The following CDYL2 variants were observed in gnomAD, a reference collection of about 807,000 sequenced individuals.
CDYL2 encodes chromodomain Y like 2.
In CDYL2, 23 loss-of-function variants were observed where a neutral mutation model predicts 49.4. That is an observed-to-expected ratio of 0.47 (90% CI 0.34 to 0.66). The LOEUF (loss-of-function observed/expected upper bound fraction) is 0.66. CDYL2 is among the 30% of genes least tolerant of loss of function. CDYL2 has a pLI of 0.01. For synonymous variants in CDYL2, 360 were observed against 268.8 expected (o/e 1.34, Z -3.32); for missense variants, 678 against 656.4 (o/e 1.03, Z -0.36).
Position 80,629,876 on chromosome 16 carries a change from G to C in CDYL2, c.834+3143C>G, listed in dbSNP as rs147126495. Among the ~76,000 whole-genome samples, 781 of 152,304 alleles carry C rather than the reference G, an allele frequency of 5.1e-3. 3 individuals are homozygous for C. Among genetic ancestry groups the C allele is most frequent in the African/African-American group, 0.018 (734 of 41,562 alleles). On this transcript the variant is annotated intron_variant, in intron 3 of 6. Coordinates refer to ENST00000570137, the MANE Select transcript of CDYL2 (RefSeq NM_152342.4). ...CTCTGCTTCCCATTAACAATGATGGGAACATTTATTACATACCTCCTATAT... is the reference window on the plus strand; with the variant it reads ...CTCTGCTTCCCATTAACAATGATGGCAACATTTATTACATACCTCCTATAT...
At chr16:80,730,173 T>C (rs554827890) in intron 1 of CDYL2, among the ~76,000 whole-genome samples, 84 of 152,166 alleles carry the variant, frequency 5.5e-4, no homozygotes, top group African/African-American at 2.0e-3. Flanking sequence ...TCTAGTTTTT[T>C]GAAAGGATCA....
intron 2 of CDYL2, among the ~76,000 whole-genome samples, chr16:80,646,742 T>A (rs1284065622): frequency 6.6e-6 from 1 of 152,102 alleles, no homozygotes; most frequent in East Asian, 1.9e-4. Context: ...TGAGCCAAGA[T>A]TGCGCCACTG....
chr16:80,730,165 T>C (rs1485519223), intron 1 of CDYL2, among the ~76,000 whole-genome samples: 1 of 152,154 alleles, frequency 6.6e-6, no homozygotes, highest in Non-Finnish European at 1.5e-5. Flanking sequence ...ATCCAGGATC[T>C]AGTTTTTTGA....
chr16:80,798,249 C>T (rs1174929684), intron 1 of CDYL2, among the ~76,000 whole-genome samples: 4 of 152,182 alleles, frequency 2.6e-5, no homozygotes, highest in Non-Finnish European at 5.9e-5. Flanking sequence ...CTCCATGTCA[C>T]CCAGGCTGGT....
At chr16:80,726,479 T>C (rs1267448165) in intron 1 of CDYL2, among the ~76,000 whole-genome samples, 1 of 152,236 alleles carries the variant, frequency 6.6e-6, no homozygotes, top group Non-Finnish European at 1.5e-5. Context: ...GAGCAAGTTT[T>C]AAACAATTAA....
chr16:80,722,197 A>T (rs1163793255), intron 1 of CDYL2, among the ~76,000 whole-genome samples: 1 of 152,192 alleles, frequency 6.6e-6, no homozygotes, highest in African/African-American at 2.4e-5. Flanking sequence ...TACTGATTTA[A>T]AAAAAAGAAG....
At position 80,633,221 on chromosome 16, in the gene CDYL2, T is replaced by G; in HGVS notation, c.632A>C (p.Asn211Thr). 6.2e-7 allele frequency: 1 copy of G among 1,614,122 alleles called. No individual in the cohort carries two copies. The highest frequency in any genetic ancestry group is 8.5e-7 in the Non-Finnish European group (1 of 1,179,978). The change falls in exon 3 of 7, where the codon AAC becomes ACC. Residue 211 changes from asparagine (N) to threonine (T), a missense_variant. Coordinates refer to ENST00000570137, the MANE Select transcript of CDYL2 (RefSeq NM_152342.4). ...AENGLGSALT[N>T]GGLNLHSPVK... is the part of the protein sequence containing the mutation. ...TGGACTGTGCAGGTTCAATCCCCCG[T>G]TGGTCAGAGCAGAGCCTTCCAAAAC... is the stretch of plus-strand genomic sequence containing the variant.
chr16:80,720,705 G>T (rs374490042), intron 1 of CDYL2, among the ~76,000 whole-genome samples: 2 of 152,176 alleles, frequency 1.3e-5, no homozygotes. Flanking sequence ...ATGTATAAAT[G>T]AGTGTAGGCA....
chr16:80,791,453 G>A (rs1198496347), intron 1 of CDYL2, among the ~76,000 whole-genome samples: 1 of 152,160 alleles, frequency 6.6e-6, no homozygotes, highest in Non-Finnish European at 1.5e-5. Context: ...CAATGTAAGT[G>A]GGAGATTTAG....
chr16:80,660,802 T>A (rs1909009804), intron 2 of CDYL2, among the ~76,000 whole-genome samples: 1 of 152,056 alleles, frequency 6.6e-6, no homozygotes, highest in Non-Finnish European at 1.5e-5. Flanking sequence ...AATAGAGAAA[T>A]GCCAGAAGGA....
intron 1 of CDYL2, among the ~76,000 whole-genome samples, chr16:80,712,080 G>T (rs1214439949): frequency 1.4e-5 from 2 of 145,814 alleles, no homozygotes; most frequent in African/African-American, 5.2e-5. Flanking sequence ...TGTGTATATA[G>T]ATGTGTGTGT....
At chr16:80,745,682 T>G (rs1905903985) in intron 1 of CDYL2, among the ~76,000 whole-genome samples, 1 of 152,228 alleles carries the variant, frequency 6.6e-6, no homozygotes. Context: ...GTTATCAACC[T>G]GGAGCAAGAG....
At chr16:80,648,534 G>T (rs1049504191) in intron 2 of CDYL2, among the ~76,000 whole-genome samples, 2 of 151,870 alleles carry the variant, frequency 1.3e-5, no homozygotes, top group African/African-American at 4.8e-5. Flanking sequence ...GAAAAGTCTG[G>T]GACCCAATGT....
chr16:80,756,623 TA>T (rs961600000), intron 1 of CDYL2, among the ~76,000 whole-genome samples: 2 of 151,992 alleles, frequency 1.3e-5, no homozygotes, highest in African/African-American at 4.8e-5. Context: ...CAGACGACAG[TA>T]AAAAAAGGAA....
intron 3 of CDYL2, among the ~76,000 whole-genome samples, chr16:80,622,922 C>T (rs1170839640): frequency 1.3e-5 from 2 of 152,174 alleles, no homozygotes; most frequent in Non-Finnish European, 2.9e-5. Flanking sequence ...CTTGCACCCC[C>T]AACCCCTTGT....
intron 2 of CDYL2, among the ~76,000 whole-genome samples, chr16:80,638,218 G>C (rs1178314475): frequency 6.6e-6 from 1 of 152,046 alleles, no homozygotes; most frequent in African/African-American, 2.4e-5. Flanking sequence ...GGGACTACAG[G>C]CATGTGGTAA....
intron 2 of CDYL2, chr16:80,679,789 T>G (rs1432558434): frequency 2.2e-6 from 1 of 456,116 alleles, no homozygotes; most frequent in East Asian, 6.9e-5. Flanking sequence ...TGGAGCTCAT[T>G]AGTCTAGAGC....
chr16:80,802,843 A>T lies in CDYL2; in HGVS notation c.24+1307T>A, dbSNP rs183205777. On this transcript the variant is annotated intron_variant, in intron 1 of 6. Transcript: ENST00000570137. ...TAGAGGAAAGAGCTTCTTAGGAATC[A>T]CCCCCTGCAGTCTGTCGTGGGTGGA... Among the ~76,000 whole-genome samples, 3 of 152,144 alleles carry T rather than the reference A, an allele frequency of 2.0e-5. No homozygotes were observed. The East Asian group carries it at 5.8e-4, about 29-fold the overall frequency.
chr16:80,705,241 C>G (rs570348512), intron 1 of CDYL2, among the ~76,000 whole-genome samples: 1 of 152,356 alleles, frequency 6.6e-6, no homozygotes, highest in East Asian at 1.9e-4. Flanking sequence ...GCCTGGTTCT[C>G]CCTTTGCAGT....
Sources: allele counts gnomAD v4.1 joint callset (sites outside exome capture counted in the v4.1 genomes callset), GRCh38; gene constraint gnomAD v4.1.1; transcripts MANE v1.5; gene names NCBI Gene and HGNC (gene_info 2026-07-23, HGNC 2026-07-21).